CCSER1: variants seen among roughly 807,000 people sequenced by gnomAD.
CCSER1 encodes coiled-coil serine rich protein 1.
Under a neutral mutation model 82.0 loss-of-function variants are expected in CCSER1, and 41 were observed. The ratio of observed to expected loss-of-function variants is 0.50; its 90% CI spans 0.39 to 0.65. The LOEUF is 0.65. Ranked by LOEUF, CCSER1 falls within the 30% of genes least tolerant of loss-of-function variation. The probability of loss-of-function intolerance (pLI) is 0.00; values close to 1 mark genes in which losing one functional copy is unlikely to be tolerated. For missense variants in CCSER1, 1,119 were observed against 1,064.2 expected, an observed-to-expected ratio of 1.05 and a Z score of -0.72; for synonymous variants, 414 against 383.9, an observed-to-expected ratio of 1.08 and a Z score of -0.92.
intron 10 of CCSER1, among the ~76,000 whole-genome samples, chr4:91,270,280 G>A (rs985512383): frequency 6.6e-6 from 1 of 152,024 alleles, no homozygotes; most frequent in Non-Finnish European, 1.5e-5. Flanking sequence ...TATAGTTCAG[G>A]TATTATTTTA....
chr4:90,664,920 T>C (rs1731450319), intron 6 of CCSER1, among the ~76,000 whole-genome samples: 1 of 152,106 alleles, frequency 6.6e-6, no homozygotes, highest in African/African-American at 2.4e-5. Flanking sequence ...AGAAAATAAA[T>C]AAATGAAACC....
At chr4:90,475,470 G>A (rs1764948649) in intron 5 of CCSER1, among the ~76,000 whole-genome samples, 1 of 152,164 alleles carries the variant, frequency 6.6e-6, no homozygotes, top group South Asian at 2.1e-4. Flanking sequence ...AGGAAGTTAG[G>A]GATGGGAGGA....
intron 1 of CCSER1, among the ~76,000 whole-genome samples, chr4:90,197,805 G>A (rs141933624): frequency 0.012 from 1,867 of 151,870 alleles, 16 homozygotes; most frequent in Non-Finnish European, 0.02. Flanking sequence ...GAGGTGGGTG[G>A]AGGTGGGGAC....
At chr4:90,348,569 T>TA (rs1742838495) in intron 3 of CCSER1, among the ~76,000 whole-genome samples, 1 of 152,212 alleles carries the variant, frequency 6.6e-6, no homozygotes, top group Non-Finnish European at 1.5e-5. Context: ...TGTTTTTAAT[T>TA]ATCAGTGGAC....
At chr4:90,136,779 T>C (rs1723771944) in intron 1 of CCSER1, among the ~76,000 whole-genome samples, 1 of 152,192 alleles carries the variant, frequency 6.6e-6, no homozygotes, top group African/African-American at 2.4e-5. Context: ...TGAGTGCTTC[T>C]TGATAATAGA....
chr4:90,412,155 T>C (rs1440415130), intron 4 of CCSER1, among the ~76,000 whole-genome samples: 1 of 151,922 alleles, frequency 6.6e-6, no homozygotes, highest in African/African-American at 2.4e-5. Flanking sequence ...TGAGTTCATA[T>C]CCTTTGTAGG....
chr4:91,054,306 T>C (rs1251041053), intron 9 of CCSER1, among the ~76,000 whole-genome samples: 1 of 152,212 alleles, frequency 6.6e-6, no homozygotes, highest in Non-Finnish European at 1.5e-5. Context: ...ATCGCTCAAA[T>C]TCACCTTGAA....
At chr4:91,178,212 A>C (rs1178287870) in intron 10 of CCSER1, among the ~76,000 whole-genome samples, 1 of 152,142 alleles carries the variant, frequency 6.6e-6, no homozygotes, top group Non-Finnish European at 1.5e-5. Flanking sequence ...ACATTTGCTG[A>C]GGAGTGCTTT....
intron 9 of CCSER1, among the ~76,000 whole-genome samples, chr4:91,071,556 G>T (rs1297221378): frequency 6.6e-6 from 1 of 152,152 alleles, no homozygotes; most frequent in Admixed American, 6.6e-5. Flanking sequence ...TGGGTTTGGT[G>T]TATAGAGAGA....
chr4:90,544,608 G>T (rs1483209071), intron 5 of CCSER1, among the ~76,000 whole-genome samples: 1 of 152,036 alleles, frequency 6.6e-6, no homozygotes, highest in Non-Finnish European at 1.5e-5. Flanking sequence ...TCTACTGCCC[G>T]TATGGCTAGT....
intron 9 of CCSER1, among the ~76,000 whole-genome samples, chr4:90,977,842 A>G (rs1027040572): frequency 2.6e-5 from 4 of 151,686 alleles, no homozygotes; most frequent in Admixed American, 1.3e-4. Context: ...TCATAAGCAA[A>G]CATTGTAATG....
chr4:90,803,305 T>C (rs1371878453), intron 7 of CCSER1, among the ~76,000 whole-genome samples: 1 of 152,168 alleles, frequency 6.6e-6, no homozygotes, highest in African/African-American at 2.4e-5. Flanking sequence ...AGTGGTTTGC[T>C]GCACCCATCA....
intron 1 of CCSER1, among the ~76,000 whole-genome samples, chr4:90,205,828 G>C (rs1198887132): frequency 6.6e-6 from 1 of 152,038 alleles, no homozygotes; most frequent in African/African-American, 2.4e-5. Context: ...ATCTGGTCCT[G>C]GGCTTTTTTT....
At chr4:91,300,526 A>G (rs1233065236) in intron 10 of CCSER1, among the ~76,000 whole-genome samples, 2 of 151,938 alleles carry the variant, frequency 1.3e-5, no homozygotes, top group African/African-American at 4.8e-5. Context: ...TCCTTAAAAT[A>G]TAGTCAATTA....
intron 8 of CCSER1, among the ~76,000 whole-genome samples, chr4:90,829,329 A>G (rs1437468568): frequency 1.3e-5 from 2 of 152,180 alleles, no homozygotes; most frequent in African/African-American, 2.4e-5. Flanking sequence ...TTTAGATAGA[A>G]TGGTTTATAA....
intron 5 of CCSER1, among the ~76,000 whole-genome samples, chr4:90,490,157 A>G (rs1767751938): frequency 6.6e-6 from 1 of 152,072 alleles, no homozygotes; most frequent in South Asian, 2.1e-4. Flanking sequence ...AAGTGTTCCT[A>G]TTTCTCCACA....
chr4:90,384,123 T>C (rs1749641661), intron 3 of CCSER1, among the ~76,000 whole-genome samples: 1 of 151,008 alleles, frequency 6.6e-6, no homozygotes, highest in Admixed American at 6.6e-5. Context: ...TTTGGTGCAA[T>C]CATTTTATTT....
At chr4:90,698,375 G>A (rs954096372) in intron 6 of CCSER1, among the ~76,000 whole-genome samples, 2 of 152,134 alleles carry the variant, frequency 1.3e-5, no homozygotes, top group Non-Finnish European at 2.9e-5. Context: ...AAGAACTAGA[G>A]AGGAGAGAGA....
chr4:91,147,989 A>G, intron 10 of CCSER1, among the ~76,000 whole-genome samples: 2 of 152,318 alleles, frequency 1.3e-5, no homozygotes, highest in South Asian at 4.1e-4. Flanking sequence ...GATTTTATTT[A>G]AGAATACAAA....
Sources: gnomAD v4.1 joint callset for allele counts (sites outside exome capture counted in the v4.1 genomes callset) on GRCh38, gnomAD v4.1.1 for gene constraint, MANE v1.5 for transcripts, NCBI Gene and HGNC (gene_info 2026-07-23, HGNC 2026-07-21) for gene names.